SAG: variants seen among roughly 807,000 people sequenced by gnomAD.
SAG encodes S-antigen visual arrestin.
In SAG, 45 loss-of-function variants were observed where a neutral mutation model predicts 55.0. The ratio of observed to expected loss-of-function variants is 0.82; its 90% CI spans 0.64 to 1.05. The LOEUF (loss-of-function observed/expected upper bound fraction) is 1.05, where lower values mean the gene tolerates loss of function less well. SAG is among the 50% of genes least tolerant of loss of function. The probability of loss-of-function intolerance (pLI) is 0.00; values close to 1 mark genes in which losing one functional copy is unlikely to be tolerated. For missense variants in SAG, 455 were observed against 512.1 expected (o/e 0.89, Z 1.08); for synonymous variants, 189 against 197.4 (o/e 0.96, Z 0.36).
chr2:233,316,179 T>A, intron 3 of SAG, 44 bp downstream of exon 3: 1 of 1,147,442 alleles, frequency 8.7e-7, no homozygotes, highest in Non-Finnish European at 1.3e-6. Flanking sequence ...TTCCTTTAAG[T>A]CACAGATAAC....
At chr2:233,326,520 G>A (rs945054965) in intron 6 of SAG, among the ~76,000 whole-genome samples, 2 of 151,678 alleles carry the variant, frequency 1.3e-5, no homozygotes, top group Non-Finnish European at 2.9e-5. Flanking sequence ...GGGAGGCGGA[G>A]GTTGTGGTGA....
chr2:233,320,515 C>T, intron 4 of SAG, 115 bp from the exon 5 acceptor site: 1 of 746,290 alleles, frequency 1.3e-6, no homozygotes, highest in Non-Finnish European at 2.1e-6. Flanking sequence ...CAATCCCAGC[C>T]CCTATCCCCT....
intron 6 of SAG, among the ~76,000 whole-genome samples, chr2:233,326,173 G>A (rs975012939): frequency 2.7e-4 from 41 of 152,288 alleles, no homozygotes; most frequent in African/African-American, 8.2e-4. Context: ...CACACACTGG[G>A]AATCGGGGGA....
At chr2:233,331,054 A>T (rs899799382) in intron 9 of SAG, among the ~76,000 whole-genome samples, 6 of 152,028 alleles carry the variant, frequency 3.9e-5, no homozygotes, top group South Asian at 2.1e-4. Flanking sequence ...TTTATTTTTT[A>T]AAAAAATCCT....
chr2:233,339,489 C>G (rs1301021437), intron 12 of SAG, among the ~76,000 whole-genome samples: 1 of 149,556 alleles, frequency 6.7e-6, no homozygotes, highest in Non-Finnish European at 1.5e-5. Context: ...TCCCAAATTT[C>G]TAACAAAGTA....
rs141970170 is a variant in SAG, at chr2:233,339,557, C to G, written c.1022+804C>G. Among the ~76,000 whole-genome samples the G allele has an allele frequency of 5.3e-3, 418 of 79,566 alleles. 3 individuals are homozygous for G. The East Asian group carries it at 0.055, about 10-fold the overall frequency. The allele number at this position is 79,566 out of a possible 152,430, so 52.2% of individuals were successfully genotyped here. On this transcript the variant is annotated intron_variant, in intron 12 of 15. Transcript: ENST00000409110. ...ATAGTGTTTTTTTTTTTTTTTTTTT[C>G]ACTGTGGATAGTGCATAAAAGGATC...
At chr2:233,331,856 T>C (rs1362339477) in intron 10 of SAG, 144 bp downstream of exon 10, 1 of 687,350 alleles carries the variant, frequency 1.5e-6, no homozygotes, top group Non-Finnish European at 2.7e-6. Context: ...CTTCGAGGGC[T>C]GCACAGAAAG....
At chr2:233,308,184 G>A (rs1397360401) in intron 1 of SAG, among the ~76,000 whole-genome samples, 162 bp downstream of exon 1, 1 of 152,228 alleles carries the variant, frequency 6.6e-6, no homozygotes, top group Non-Finnish European at 1.5e-5. Flanking sequence ...GAGTGAGCGG[G>A]TGCAATGGCT....
intron 7 of SAG, 139 bp from the exon 8 acceptor site, chr2:233,328,339 C>T (rs983749689): frequency 7.9e-6 from 8 of 1,017,526 alleles, no homozygotes; most frequent in Middle Eastern, 2.6e-4. Context: ...TGACCAGTGT[C>T]GTTGCCCTCT....
At chr2:233,326,838 G>A (rs1700573496) in intron 6 of SAG, among the ~76,000 whole-genome samples, 1 of 152,196 alleles carries the variant, frequency 6.6e-6, no homozygotes, top group Non-Finnish European at 1.5e-5. Context: ...GGCAAGGATA[G>A]CCAGGATGTG....
chr2:233,324,413 C>T (rs1700481552), intron 6 of SAG, among the ~76,000 whole-genome samples: 1 of 151,886 alleles, frequency 6.6e-6, no homozygotes, highest in Admixed American at 6.6e-5. Context: ...AAACAACAAA[C>T]AAAAAAAGTG....
chr2:233,346,498 CA>C, intron 15 of SAG, 86 bp downstream of exon 15: 1 of 1,430,942 alleles, frequency 7.0e-7, no homozygotes, highest in Non-Finnish European at 9.9e-7. Flanking sequence ...TGAGTCTTTG[CA>C]CATATCCCAA....
rs1484802068 is a variant in SAG, at chr2:233,309,264, G to A, written c.75G>A (p.Ser25=). The change falls in exon 2 of 16, where the codon TCG becomes TCA. Residue 25 remains serine, a splice_region_variant and synonymous_variant. Coordinates refer to ENST00000409110, the MANE Select transcript of SAG (RefSeq NM_000541.5). ...TCAAGAAGATCTCCCGGGACAAATC[G>A]GTGAGTGGTGCACAAGTGAGTGATT... ...VIFKKISRDK[S]VTIYLGNRDY... The A allele has an allele frequency of 2.5e-6, 4 of 1,611,814 alleles. No individual in the cohort carries two copies. The highest frequency in any genetic ancestry group is 2.2e-5 in the East Asian group (1 of 44,830).
chr2:233,326,993 A>G (rs758337249), intron 6 of SAG, 128 bp from the exon 7 acceptor site: 1 of 703,666 alleles, frequency 1.4e-6, no homozygotes, highest in Non-Finnish European at 2.5e-6. Context: ...TGCAACCCCG[A>G]ATAGGACATG....
chr2:233,335,769 T>C (rs1388246885), intron 11 of SAG, among the ~76,000 whole-genome samples: 1 of 152,242 alleles, frequency 6.6e-6, no homozygotes, highest in Non-Finnish European at 1.5e-5. Context: ...CAAGTCAGCG[T>C]CCACTGTCCT....
At chr2:233,342,163 G>T in intron 13 of SAG, 108 bp from the exon 14 acceptor site, 1 of 800,072 alleles carries the variant, frequency 1.2e-6, no homozygotes, top group Non-Finnish European at 2.1e-6. Context: ...TTGTCTTTCA[G>T]CTTGGGCCTG....
chr2:233,318,834 G>A lies in SAG; in HGVS notation c.181+39G>A, dbSNP rs79243191. 631 of 1,568,830 alleles carry A rather than the reference G, an allele frequency of 4.0e-4. 5 individuals are homozygous for A. In the East Asian group the frequency reaches 0.011, roughly 28 times the overall value. On this transcript the variant is annotated intron_variant, in intron 4 of 15. Transcript: ENST00000409110. ...CCTTGTCTCAGGCTGGTTTCTGGGC[G>A]GAGTGGACTGCTCTCTGGGCGGCTC...
intron 7 of SAG, 157 bp from the exon 8 acceptor site, chr2:233,328,294 CCAGGCTCTTCCACCGTCAGGGCTGCCT>C: frequency 5.0e-6 from 3 of 605,658 alleles, no homozygotes; most frequent in Non-Finnish European, 8.2e-6. Flanking sequence ...ACCCAGACCC[CCAGGCTCTTCCACCGTCAGGGCTGCCT>C]CAGGCTCTGA....
Position 233,340,385 on chromosome 2 carries a change from T to G in SAG, c.1023-70T>G, listed in dbSNP as rs1464126814. 1.3e-5 allele frequency: 18 copies of G among 1,420,490 alleles called. No homozygotes were observed. Among genetic ancestry groups the G allele is most frequent in the Admixed American group, 3.6e-5 (2 of 55,138 alleles). The allele number at this position is 1,420,490 out of a possible 1,614,324, so 88.0% of individuals were successfully genotyped here. A position where few individuals can be genotyped will look rare whatever the true frequency, so the allele number is the denominator to read the frequency against. On this transcript the variant is annotated intron_variant, in intron 12 of 15. Transcript: ENST00000409110. The surrounding 1 kb of genome is among the most constrained non-coding windows in gnomAD (Gnocchi z 4.2). ...CATGAGAGCTGGGCTGTGTCCTGCC[T>G]CTGAATCATGGGAAAGGGTCGTGTT... is the stretch of plus-strand genomic sequence containing the variant.
Sources: allele counts gnomAD v4.1 joint callset (sites outside exome capture counted in the v4.1 genomes callset), GRCh38; gene constraint gnomAD v4.1.1; non-coding constraint Gnocchi (gnomAD v3.1); transcripts MANE v1.5; gene names NCBI Gene and HGNC (gene_info 2026-07-23, HGNC 2026-07-21).